The following SLC1A6 variants were observed in gnomAD, a reference collection of about 807,000 sequenced individuals.
The protein encoded by SLC1A6 is solute carrier family 1 member 6, also known as excitatory amino acid transporter 4.
A neutral mutation model predicts 42.1 loss-of-function variants in SLC1A6; 15 were observed. That is an observed-to-expected ratio of 0.36 (90% CI 0.24 to 0.55). SLC1A6 has a LOEUF of 0.55. Among genes scored for constraint, SLC1A6 ranks in the 20% least tolerant of loss-of-function variants. The pLI is 0.88. For synonymous variants in SLC1A6, 317 were observed against 319.7 expected (o/e 0.99, Z 0.09); for missense variants, 542 against 772.5 (o/e 0.70, Z 3.54).
Position 14,950,219 on chromosome 19 carries a change from C to T in SLC1A6, c.1671G>A (p.Arg557=). Residue 557 remains arginine (R), a synonymous_variant, in exon 10 of 10, where the codon CGG becomes CGA. Transcript: ENST00000594383. ...MAQEKGASRG[R]GGNESAM ...CTCACATAGCACTCTCGTTGCCTCC[C>T]CGTCCCCGGGATGCCCCCTTCTCCT... 6.3e-7 allele frequency: 1 copy of T among 1,585,372 alleles called. No homozygotes were observed. Among genetic ancestry groups the T allele is most frequent in the Non-Finnish European group, 8.6e-7 (1 of 1,160,582 alleles).
At chr19:14,954,929 G>A in intron 7 of SLC1A6, among the ~76,000 whole-genome samples, 1 of 152,190 alleles carries the variant, frequency 6.6e-6, no homozygotes, top group East Asian at 1.9e-4. Context: ...AAGGTCTGCT[G>A]ACTTCAGGGA....
chr19:14,950,083 G>T lies in SLC1A6; in HGVS notation c.*112C>A. The T allele has an allele frequency of 1.5e-6, 1 of 681,924 alleles. No homozygotes were observed. The highest frequency in any genetic ancestry group is 2.3e-6 in the Non-Finnish European group (1 of 435,816). 42.2% of individuals were successfully genotyped at this position (681,924 alleles called of 1,614,324 possible). On this transcript the variant is annotated 3_prime_UTR_variant, in exon 10 of 10. Coordinates refer to ENST00000594383, the MANE Select transcript of SLC1A6 (RefSeq NM_005071.3). The stretch of plus-strand genomic sequence containing the variant: ...TCACTTTTCCCTCCCCCCTAAATGA[G>T]TCAAGCAGAACGTGTGTTCAGCCCA...
intron 1 of SLC1A6, among the ~76,000 whole-genome samples, chr19:14,998,831 A>G (rs1190855748): frequency 6.6e-6 from 1 of 151,596 alleles, no homozygotes; most frequent in Non-Finnish European, 1.5e-5. Context: ...CTGGGTCTAG[A>G]ACCTTTTTAA....
chr19:14,966,089 A>G (rs1212187214), intron 4 of SLC1A6, among the ~76,000 whole-genome samples: 1 of 152,214 alleles, frequency 6.6e-6, no homozygotes, highest in East Asian at 1.9e-4. Flanking sequence ...TACAATGTAC[A>G]CTACTAGTGG....
chr19:14,953,545 G>A (rs142287022), intron 8 of SLC1A6, among the ~76,000 whole-genome samples: 16 of 151,860 alleles, frequency 1.1e-4, no homozygotes, highest in African/African-American at 1.7e-4. Flanking sequence ...GTGAGCCACC[G>A]CGCCTGACAG....
rs140470359 is a variant in SLC1A6, at chr19:15,002,266, T to G, written c.6+8219A>C. On this transcript the variant is annotated intron_variant, in intron 1 of 8. Transcript: ENST00000430939. ...CACCACATCCAGCTGTTTTTTGTTT[T>G]GTTTGGTTTGGTTTGGGTTGGGTTT... 7.6e-3 allele frequency among the ~76,000 whole-genome samples: 1,161 copies of G among 152,162 alleles called. 12 individuals are homozygous for G. The highest frequency in any genetic ancestry group is 0.025 in the African/African-American group (1,038 of 41,502).
intron 1 of SLC1A6, among the ~76,000 whole-genome samples, chr19:14,993,716 G>A (rs2045831829): frequency 6.6e-6 from 1 of 152,240 alleles, no homozygotes; most frequent in East Asian, 1.9e-4. Context: ...GGGTAAGACA[G>A]CAGAAGGAAG....
Position 14,956,488 on chromosome 19 carries a change from C to G in SLC1A6, c.1157G>C (p.Gly386Ala), listed in dbSNP as rs1270611625. The G allele has an allele frequency of 6.3e-7, 1 of 1,580,880 alleles. No individual in the cohort carries two copies. Among genetic ancestry groups the G allele is most frequent in the Admixed American group, 1.7e-5 (1 of 57,362 alleles). The change falls in exon 7 of 10, where the codon GGC becomes GCC. Residue 386 changes from glycine (G) to alanine (A), a missense_variant. This residue lies in a region of SLC1A6 where 298 missense variants were observed against 419.4 expected (regional missense o/e 0.71). Transcript: ENST00000594383. ...GMLQALITAM[G>A]TSSSSATLPI... ...AGCAAGGCCATACCTGGAAGACGTG[C>G]CCATAGCGGTGATGAGGGCTTGTAG...
intron 4 of SLC1A6, among the ~76,000 whole-genome samples, chr19:14,964,782 C>A (rs2045554698): frequency 6.6e-6 from 1 of 152,180 alleles, no homozygotes; most frequent in African/African-American, 2.4e-5. Flanking sequence ...TAGGTTTCGT[C>A]TAGGCCCATG....
intron 6 of SLC1A6, chr19:14,961,627 A>G (rs2045512499): frequency 5.3e-6 from 1 of 189,356 alleles, no homozygotes; most frequent in African/African-American, 2.3e-5. Flanking sequence ...AAATCAATGC[A>G]TTGAAGCATG....
chr19:14,972,869 G>A lies in SLC1A6; in HGVS notation c.42C>T (p.Gly14=), dbSNP rs1244908591. ...GCCAGCCCACCCGGCCCAGCCGCTG[G>A]CCGCTCTCCCGCAGGAACAGGCTGT... is the stretch of plus-strand genomic sequence containing the variant. ...HGNSLFLRES[G]QRLGRVGWLQ... The change falls in exon 2 of 10, where the codon GGC becomes GGT. Residue 14 remains glycine (G), a synonymous_variant. Coordinates refer to ENST00000594383, the MANE Select transcript of SLC1A6 (RefSeq NM_005071.3). 6.2e-7 allele frequency: 1 copy of A among 1,603,868 alleles called. No individual in the cohort carries two copies. The highest frequency in any genetic ancestry group is 1.7e-5 in the Admixed American group (1 of 58,326).
chr19:15,010,405 G>A (rs2145250523), intron 1 of SLC1A6: 1 of 442,140 alleles, frequency 2.3e-6, no homozygotes, highest in Middle Eastern at 4.0e-4. Flanking sequence ...ACACCCTGAA[G>A]CTGAAAGAAG....
At chr19:15,007,853 C>G (rs1310847584) in intron 1 of SLC1A6, among the ~76,000 whole-genome samples, 1 of 152,034 alleles carries the variant, frequency 6.6e-6, no homozygotes, top group East Asian at 1.9e-4. Context: ...GGTGAAACCC[C>G]ATTTCTACTA....
rs746292142 is a variant in SLC1A6 at position 14,952,921 on chromosome 19, C to T, written c.1499+7G>A. On this transcript the variant is annotated splice_region_variant and intron_variant, in intron 9 of 9. Transcript: ENST00000594383. ...GAGCACCAGGGTCCAGCCTAGAGAA[C>T]ACTCACAGGAACCAGTCCACGGCAA... is the stretch of plus-strand genomic sequence containing the variant. 26 of 1,613,132 alleles carry T rather than the reference C, an allele frequency of 1.6e-5. No individual in the cohort carries two copies. The Admixed American group carries it at 3.2e-4, about 20-fold the overall frequency.
At chr19:14,956,170 T>C (rs2045461196) in intron 7 of SLC1A6, among the ~76,000 whole-genome samples, 1 of 152,106 alleles carries the variant, frequency 6.6e-6, no homozygotes, top group South Asian at 2.1e-4. Flanking sequence ...CAAGTGGAGA[T>C]GACACCCTCT....
At chr19:14,960,774 G>C (rs1414695410) in intron 6 of SLC1A6, among the ~76,000 whole-genome samples, 1 of 152,182 alleles carries the variant, frequency 6.6e-6, no homozygotes, top group Non-Finnish European at 1.5e-5. Flanking sequence ...TCGCAGGAAA[G>C]GGAGATTGGG....
intron 1 of SLC1A6, among the ~76,000 whole-genome samples, chr19:14,995,967 A>AT (rs562861691): frequency 7.9e-4 from 120 of 152,152 alleles, no homozygotes; most frequent in African/African-American, 2.7e-3. Context: ...GATCTTAAAG[A>AT]TTTTTTTTAC....
intron 1 of SLC1A6, among the ~76,000 whole-genome samples, chr19:15,008,303 C>T (rs1163929675): frequency 6.6e-6 from 1 of 152,010 alleles, no homozygotes; most frequent in Admixed American, 6.6e-5. Context: ...CATGATCCCC[C>T]CACTGCACTC....
chr19:15,008,284 G>T (rs2045906247), intron 1 of SLC1A6, among the ~76,000 whole-genome samples: 1 of 152,078 alleles, frequency 6.6e-6, no homozygotes, highest in African/African-American at 2.4e-5. Context: ...GTTGGAGGCT[G>T]CAGTGAACCA....
Sources: gnomAD v4.1 joint callset for allele counts (sites outside exome capture counted in the v4.1 genomes callset) on GRCh38, gnomAD v4.1.1 for gene constraint, gnomAD v4.1.1 regional missense constraint, MANE v1.5 for transcripts, NCBI Gene and HGNC (gene_info 2026-07-23, HGNC 2026-07-21) for gene names.